BRD4: variants seen among roughly 807,000 people sequenced by gnomAD.
BRD4 encodes bromodomain containing 4.
In BRD4, 16 loss-of-function variants were observed where a neutral mutation model predicts 142.1. The observed-to-expected ratio is 0.11, with a 90% CI of 0.08 to 0.17. The LOEUF is 0.17. BRD4 is among the 10% of genes least tolerant of loss of function. The pLI, the probability that BRD4 is intolerant of heterozygous loss-of-function variation, is 1.00. For missense variants in BRD4, 1,424 were observed against 1,810.9 expected (o/e 0.79, Z 3.88); for synonymous variants, 833 against 707.5 (o/e 1.18, Z -2.82).
intron 6 of BRD4, 78 bp downstream of exon 6, chr19:15,264,326 C>T: frequency 6.7e-7 from 1 of 1,501,602 alleles, no homozygotes; most frequent in South Asian, 1.4e-5. Flanking sequence ...TCCTCTTGGA[C>T]TAAAAGGTCT....
chr19:15,314,524 C>T (rs1164194450), intron 1 of BRD4, among the ~76,000 whole-genome samples: 1 of 152,172 alleles, frequency 6.6e-6, no homozygotes, highest in Admixed American at 6.5e-5. Context: ...GAGGAGCCCT[C>T]ACATCCATCC....
At chr19:15,241,452 T>C (rs1275125848) in intron 14 of BRD4, among the ~76,000 whole-genome samples, 2 of 152,194 alleles carry the variant, frequency 1.3e-5, no homozygotes, top group Non-Finnish European at 2.9e-5. Context: ...TTAAGTCTCT[T>C]TGGGAGTCTA....
At chr19:15,259,584 T>G (rs912921769) in intron 7 of BRD4, among the ~76,000 whole-genome samples, 1 of 152,220 alleles carries the variant, frequency 6.6e-6, no homozygotes, top group African/African-American at 2.4e-5. Context: ...CGTGTCCAGT[T>G]GTGTGACCCT....
chr19:15,245,579 T>C (rs1340077005), intron 11 of BRD4, among the ~76,000 whole-genome samples: 2 of 151,810 alleles, frequency 1.3e-5, no homozygotes, highest in African/African-American at 4.8e-5. Flanking sequence ...CCCTGAGAGG[T>C]GTACTCGAGA....
intron 7 of BRD4, among the ~76,000 whole-genome samples, chr19:15,262,540 A>G (rs536360718): frequency 4.9e-5 from 7 of 141,644 alleles, no homozygotes; most frequent in Non-Finnish European, 4.5e-5. Flanking sequence ...AAAAAAAAAA[A>G]AAGAAAAAAA....
At chr19:15,275,237 G>A (rs765772058) in intron 1 of BRD4, among the ~76,000 whole-genome samples, 4 of 152,148 alleles carry the variant, frequency 2.6e-5, no homozygotes, top group Non-Finnish European at 5.9e-5. Context: ...TGCCTCATTT[G>A]GTGTTTTAAG....
Position 15,243,140 on chromosome 19 carries a change from G to GCTGTTGGATGTGGGTGGAAAAC in BRD4, c.2928_2929insGTTTTCCACCCACATCCAACAG (p.Pro977ValfsTer123). 1 of 1,164,196 alleles carries GCTGTTGGATGTGGGTGGAAAAC rather than the reference G, an allele frequency of 8.6e-7. No individual in the cohort carries two copies. The highest frequency in any genetic ancestry group is 1.2e-6 in the Non-Finnish European group (1 of 850,764). The allele number at this position is 1,164,196 out of a possible 1,614,324, so 72.1% of individuals were successfully genotyped here. On this transcript the variant is annotated frameshift_variant, in exon 14 of 20. Transcript: ENST00000679869. LOFTEE classifies it high-confidence loss of function. ...GGAGGCTGGGGCTGGGGTGGTGGGG[G>GCTGTTGGATGTGGGTGGAAAAC]TGGTGGCGGCTGCTGCTGCAGCTGC...
intron 11 of BRD4, chr19:15,247,559 T>A: frequency 4.3e-6 from 1 of 232,880 alleles, no homozygotes; most frequent in Non-Finnish European, 8.5e-6. Context: ...TGTGCACACG[T>A]GTGTGCGCGT....
rs2047215198 is a variant in BRD4 at position 15,238,907 on chromosome 19, G to GCTGCTC, written c.3850_3855dup (p.Glu1284_Gln1285dup). The GCTGCTC allele has an allele frequency of 6.3e-6, 10 of 1,595,286 alleles. No individual in the cohort carries two copies. The highest frequency in any genetic ancestry group is 1.7e-4 in the Middle Eastern group (1 of 5,862). The stretch of plus-strand genomic sequence containing the variant: ...TGTTGCTCCTGGCGCTGCTGCTGCT[G>GCTGCTC]CTGCTCCTGGCGCCGACGTGCCTCC... On this transcript the variant is annotated inframe_insertion, in exon 19 of 20. Coordinates refer to ENST00000679869, the MANE Select transcript of BRD4 (RefSeq NM_001379291.1). This position sits in a 1 kb window ranked among gnomAD's most constrained non-coding sequence, Gnocchi z 7.2.
At chr19:15,326,402 G>A (rs913328068) in intron 1 of BRD4, among the ~76,000 whole-genome samples, 2 of 152,046 alleles carry the variant, frequency 1.3e-5, no homozygotes, top group African/African-American at 4.8e-5. Flanking sequence ...GGGAGGCAGA[G>A]GTTGCAATGA....
At chr19:15,292,332 C>T (rs2047788118) in intron 1 of BRD4, among the ~76,000 whole-genome samples, 2 of 152,064 alleles carry the variant, frequency 1.3e-5, no homozygotes, top group East Asian at 3.9e-4. Flanking sequence ...ACTCAGATGA[C>T]TTATCTACAC....
Position 15,254,201 on chromosome 19 carries a change from C to T in BRD4, c.2109G>A (p.Ser703=), listed in dbSNP as rs772542740. The T allele has an allele frequency of 4.3e-6, 7 of 1,614,206 alleles. No individual in the cohort carries two copies. Among genetic ancestry groups the T allele is most frequent in the South Asian group, 2.2e-5 (2 of 91,088 alleles). ...SKMKGFSSSE[S]ESSSESSSSD... ...AGGAGCTGGACTCACTGGAGCTCTC[C>T]GACTCTGAGGACGAGAAGCCCTTCA... The change falls in exon 11 of 20, where the codon TCG becomes TCA. Residue 703 remains serine, a synonymous_variant. Coordinates refer to ENST00000679869, the MANE Select transcript of BRD4 (RefSeq NM_001379291.1).
At chr19:15,282,418 G>A (rs1259793599) in intron 1 of BRD4, among the ~76,000 whole-genome samples, 2 of 152,246 alleles carry the variant, frequency 1.3e-5, no homozygotes, top group Non-Finnish European at 2.9e-5. Flanking sequence ...GGTGGCAGGT[G>A]TGTGGATGAC....
At position 15,255,551 on chromosome 19, in the gene BRD4, G is replaced by A. The variant is rs138134048; in HGVS notation, c.1793C>T (p.Thr598Met). Residue 598 changes from threonine (T) to methionine (M), a missense_variant, in exon 10 of 20, where the codon ACG becomes ATG. Thr to Met is a moderately conservative substitution (Grantham distance 81). Coordinates refer to ENST00000679869, the MANE Select transcript of BRD4 (RefSeq NM_001379291.1). ...CTTGTCCTCTTCCTCCGACTCATAC[G>A]TGGGAGGGGGCTTGCTCTTCATGGG... ...PAPMKSKPPPTYESEEEDKCK... is the reference protein window; with the variant it reads ...PAPMKSKPPPMYESEEEDKCK... 2.5e-6 allele frequency: 4 copies of A among 1,611,096 alleles called. No individual in the cohort carries two copies. Among genetic ancestry groups the A allele is most frequent in the South Asian group, 1.1e-5 (1 of 91,056 alleles).
rs79318894 is a variant in BRD4 at position 15,255,629 on chromosome 19, C to A, written c.1752-37G>T. 1,146 of 1,555,938 alleles carry A rather than the reference C, an allele frequency of 7.4e-4. 14 individuals carry two copies. The East Asian group carries it at 0.023, about 31-fold the overall frequency. On this transcript the variant is annotated intron_variant, in intron 9 of 19. Transcript: ENST00000679869. ...CGATGCAGACACCATCAAGAACGGG[C>A]CCCCTGAGGAAGCCAGGCACTCATT... is the stretch of plus-strand genomic sequence containing the variant.
chr19:15,248,339 C>G (rs1485497309), intron 11 of BRD4: 2 of 216,948 alleles, frequency 9.2e-6, no homozygotes, highest in African/African-American at 4.5e-5. Flanking sequence ...ACTGTTAACA[C>G]CAGTCAGAGG....
At chr19:15,324,391 G>A (rs915271184) in intron 1 of BRD4, among the ~76,000 whole-genome samples, 10 of 152,154 alleles carry the variant, frequency 6.6e-5, no homozygotes, top group African/African-American at 1.2e-4. Context: ...TTGTGGAACC[G>A]GATCCCAATG....
chr19:15,268,357 G>A (rs1270420908), intron 3 of BRD4: 2 of 153,386 alleles, frequency 1.3e-5, no homozygotes, highest in African/African-American at 4.8e-5. Flanking sequence ...GTGACCTTCA[G>A]GTCTACATGT....
At chr19:15,245,034 C>G (rs1375994588) in intron 11 of BRD4, 2 of 571,876 alleles carry the variant, frequency 3.5e-6, no homozygotes, top group Non-Finnish European at 6.1e-6. Context: ...ACGGTTGCAC[C>G]GGAAGCTGAG....
Sources: gnomAD v4.1 joint callset for allele counts (sites outside exome capture counted in the v4.1 genomes callset) on GRCh38, gnomAD v4.1.1 for gene constraint, Gnocchi (gnomAD v3.1) non-coding constraint, MANE v1.5 for transcripts, NCBI Gene and HGNC (gene_info 2026-07-23, HGNC 2026-07-21) for gene names.